Variants in CLEC2D observed in about 807,000 individuals in gnomAD.
CLEC2D encodes the protein C-type lectin related f.
In CLEC2D, 16 loss-of-function variants were observed where a neutral mutation model predicts 20.0. That is an observed-to-expected ratio of 0.80 (90% CI 0.54 to 1.22). The LOEUF (loss-of-function observed/expected upper bound fraction) is 1.22, where lower values mean the gene tolerates loss of function less well. Among genes scored for constraint, CLEC2D ranks in the 50% most tolerant of loss-of-function variants. The probability of loss-of-function intolerance (pLI) is 0.00; values close to 1 mark genes in which losing one functional copy is unlikely to be tolerated. For missense variants in CLEC2D, 207 were observed against 221.5 expected (o/e 0.93, Z 0.42); for synonymous variants, 77 against 71.1 (o/e 1.08, Z -0.42).
At chr12:9,682,830 C>T (rs894998051) in intron 2 of CLEC2D, among the ~76,000 whole-genome samples, 32 of 152,226 alleles carry the variant, frequency 2.1e-4, no homozygotes, top group African/African-American at 5.5e-4. Context: ...AATAAACATA[C>T]GAGTGCATGT....
rs751731003 is a variant in CLEC2D, at chr12:9,696,135, A to G, written c.*1261A>G. The stretch of plus-strand genomic sequence containing the variant: ...TAGAAAAACGTGGTTCTCTTCCCAA[A>G]GTGGAAACCAAGTTCATCAATTATG... On this transcript the variant is annotated 3_prime_UTR_variant, in exon 5 of 5. Coordinates refer to ENST00000290855, the MANE Select transcript of CLEC2D (RefSeq NM_013269.6). The G allele has an allele frequency of 7.4e-5, 69 of 936,210 alleles. No homozygotes were observed. Among genetic ancestry groups the G allele is most frequent in the Non-Finnish European group, 1.2e-4 (68 of 577,268 alleles). The allele number at this position is 936,210 out of a possible 1,614,324, so 58.0% of individuals were successfully genotyped here. A position where few individuals can be genotyped will look rare whatever the true frequency, so the allele number is the denominator to read the frequency against.
Position 9,694,768 on chromosome 12 carries a change from T to C in CLEC2D, c.470T>C (p.Ile157Thr), listed in dbSNP as rs150263662. 1,861 of 1,602,350 alleles carry C rather than the reference T, an allele frequency of 1.2e-3. 10 individuals carry two copies. Among genetic ancestry groups the C allele is most frequent in the South Asian group, 6.4e-3 (580 of 90,776 alleles). ...NGTEWTRQFP[I>T]LGAGECAYLN... ...TGCTTCTTCTCTTGCAGGTTTCCTA[T>C]CCTGGGAGCAGGAGAGTGTGCCTAT... The change falls in exon 5 of 5, where the codon ATC (isoleucine) becomes ACC (threonine). Residue 157 changes from isoleucine (I) to threonine (T), a missense_variant. Coordinates refer to ENST00000290855, the MANE Select transcript of CLEC2D (RefSeq NM_013269.6).
intron 4 of CLEC2D, among the ~76,000 whole-genome samples, chr12:9,694,378 G>A (rs910545497): frequency 6.6e-6 from 1 of 152,144 alleles, no homozygotes; most frequent in Non-Finnish European, 1.5e-5. Flanking sequence ...AGGGAAGTAG[G>A]AGGAATAAAA....
Position 9,688,037 on chromosome 12 carries a change from G to C in CLEC2D, c.308G>C (p.Cys103Ser). ...TKNWTSSQRFCDSQDADLAQV... is the reference protein window; with the variant it reads ...TKNWTSSQRFSDSQDADLAQV... ...AACTGGACATCAAGTCAGAGGTTTT[G>C]TGACTCACAAGATGCTGATCTTGCT... is the stretch of plus-strand genomic sequence containing the variant. Residue 103 changes from cysteine to serine, a missense_variant, in exon 3 of 5, where the codon TGT (cysteine) becomes TCT (serine). Cys to Ser is a moderately radical substitution (Grantham distance 112). Transcript: ENST00000290855. 2 of 1,612,800 alleles carry C rather than the reference G, an allele frequency of 1.2e-6. No individual in the cohort carries two copies. Among genetic ancestry groups the C allele is most frequent in the African/African-American group, 1.3e-5 (1 of 74,910 alleles).
At chr12:9,692,107 TTCTTTCTTTC>T (rs752190477) in intron 3 of CLEC2D, among the ~76,000 whole-genome samples, 28 of 151,858 alleles carry the variant, frequency 1.8e-4, no homozygotes, top group Non-Finnish European at 3.7e-4. Flanking sequence ...CTTTCTTTCT[TTCTTTCTTTC>T]TCTTTCTTTC....
rs1866030622 is a variant in CLEC2D at position 9,697,714 on chromosome 12, A to G, written c.*2840A>G. ...ATGTTGCATGATCTCACTTATAGTG[A>G]AACTTAAAAAAAAAACCCAAATACA... is the stretch of plus-strand genomic sequence containing the variant. On this transcript the variant is annotated 3_prime_UTR_variant, in exon 5 of 5. Coordinates refer to ENST00000290855, the MANE Select transcript of CLEC2D (RefSeq NM_013269.6). 1.2e-5 allele frequency: 1 copy of G among 80,476 alleles called. No individual in the cohort carries two copies. The highest frequency in any genetic ancestry group is 3.1e-4 in the South Asian group (1 of 3,188). The allele number at this position is 80,476 out of a possible 1,614,324, so 5.0% of individuals were successfully genotyped here. A position where few individuals can be genotyped will look rare whatever the true frequency, so the allele number is the denominator to read the frequency against.
chr12:9,674,030 T>C (rs1438961033), intron 1 of CLEC2D: 1 of 152,042 alleles, frequency 6.6e-6, no homozygotes, highest in Admixed American at 6.6e-5. Context: ...TCCATGGGAG[T>C]AGAACCTACT....
Position 9,698,592 on chromosome 12 carries a change from C to T in CLEC2D, c.*3718C>T, listed in dbSNP as rs1866056010. 2 of 152,102 alleles carry T rather than the reference C, an allele frequency of 1.3e-5. No homozygotes were observed. Among genetic ancestry groups the T allele is most frequent in the East Asian group, 1.9e-4 (1 of 5,196 alleles). The allele number at this position is 152,102 out of a possible 1,614,324, so 9.4% of individuals were successfully genotyped here. On this transcript the variant is annotated 3_prime_UTR_variant, in exon 5 of 5. Transcript: ENST00000290855. ...AGGGAGAAAGCTTCACAACGTTGGT[C>T]TGGGCAATAATTTTTGGATTTGACC... is the stretch of plus-strand genomic sequence containing the variant.
At chr12:9,685,801 T>G (rs1480152741) in intron 2 of CLEC2D, among the ~76,000 whole-genome samples, 4 of 152,182 alleles carry the variant, frequency 2.6e-5, no homozygotes, top group South Asian at 2.1e-4. Flanking sequence ...TCTGTGGGGA[T>G]TGGACCCACT....
rs772183704 is a variant in CLEC2D at position 9,682,303 on chromosome 12, T to A, written c.172+1270T>A. 3.9e-5 allele frequency among the ~76,000 whole-genome samples: 6 copies of A among 152,308 alleles called. No individual in the cohort carries two copies. The East Asian group carries it at 1.2e-3, about 29-fold the overall frequency. On this transcript the variant is annotated intron_variant, in intron 2 of 4. Coordinates refer to ENST00000290855, the MANE Select transcript of CLEC2D (RefSeq NM_013269.6). ...GTGGTATTTCCCCATTTAAATCGAG[T>A]TATTTAGATTGGCTTTAGTTATAAA... is the stretch of plus-strand genomic sequence containing the variant.
chr12:9,684,489 G>T (rs765672344), intron 2 of CLEC2D, among the ~76,000 whole-genome samples: 1 of 152,036 alleles, frequency 6.6e-6, no homozygotes, highest in Non-Finnish European at 1.5e-5. Flanking sequence ...CCAGCTTTTG[G>T]CCACTCAGTA....
Position 9,695,156 on chromosome 12 carries a change from T to A in CLEC2D, c.*282T>A. The A allele has an allele frequency of 1.7e-6, 1 of 580,008 alleles. No homozygotes were observed. The highest frequency in any genetic ancestry group is 2.0e-5 in the South Asian group (1 of 48,946). 35.9% of individuals were successfully genotyped at this position (580,008 alleles called of 1,614,324 possible). On this transcript the variant is annotated 3_prime_UTR_variant, in exon 5 of 5. Coordinates refer to ENST00000290855, the MANE Select transcript of CLEC2D (RefSeq NM_013269.6). ...TCATAGTTCCACATGGCTGGGGAGG[T>A]CTTGCAATCATGACAGAAGGCAAAT...
chr12:9,670,288 T>C (rs1361894016), intron 1 of CLEC2D, among the ~76,000 whole-genome samples: 1 of 152,096 alleles, frequency 6.6e-6, no homozygotes, highest in Non-Finnish European at 1.5e-5. Flanking sequence ...GAAATATATA[T>C]ATATATAGCT....
chr12:9,693,462 G>T (rs1397420408), intron 4 of CLEC2D: 1 of 187,624 alleles, frequency 5.3e-6, no homozygotes. Context: ...GGAAAAATTG[G>T]ATTCACACAA....
At position 9,684,169 on chromosome 12, in the gene CLEC2D, C is replaced by T. The variant is rs368608553; in HGVS notation, c.172+3136C>T. On this transcript the variant is annotated intron_variant, in intron 2 of 4. Transcript: ENST00000290855. ...ATGGGAGTTCACTCATGATTTGGCT[C>T]TCTGTTTGTCTGTTATTGGTGTATA... Among the ~76,000 whole-genome samples the T allele has an allele frequency of 1.5e-4, 23 of 152,222 alleles. No individual in the cohort carries two copies. In the East Asian group the frequency reaches 2.1e-3, roughly 14 times the overall value.
At chr12:9,671,542 T>G (rs12582584) in intron 1 of CLEC2D, among the ~76,000 whole-genome samples, 52,401 of 152,156 alleles carry the variant, frequency 0.34, 10,785 homozygotes, top group East Asian at 0.59. Flanking sequence ...TTCTCAAGGT[T>G]TTGGCTATTG....
Position 9,692,834 on chromosome 12 carries a change from C to T in CLEC2D, c.364C>T (p.Leu122=). ...TCTCTGTGTTTTCTGAAAGAATTTC[C>T]TGTTGAGATATAAAGGCCCATCTGA... is the stretch of plus-strand genomic sequence containing the variant. ...QVESFQELNF[L]LRYKGPSDHW... is the part of the protein sequence containing the mutation. The change falls in exon 4 of 5, where the codon CTG becomes TTG. Residue 122 remains leucine, a synonymous_variant. Coordinates refer to ENST00000290855, the MANE Select transcript of CLEC2D (RefSeq NM_013269.6). 1 of 1,604,164 alleles carries T rather than the reference C, an allele frequency of 6.2e-7. No homozygotes were observed. Among genetic ancestry groups the T allele is most frequent in the Non-Finnish European group, 8.5e-7 (1 of 1,175,266 alleles).
chr12:9,689,466 G>A (rs918881462), intron 3 of CLEC2D, among the ~76,000 whole-genome samples: 1 of 152,066 alleles, frequency 6.6e-6, no homozygotes, highest in African/African-American at 2.4e-5. Context: ...GAAAAGTATG[G>A]TTCATTCACA....
chr12:9,680,233 T>C, intron 1 of CLEC2D: 1 of 337,964 alleles, frequency 3.0e-6, no homozygotes, highest in South Asian at 2.4e-5. Context: ...ACACGTTTGC[T>C]TCCTCTTCCA....
Sources: allele counts gnomAD v4.1 joint callset (sites outside exome capture counted in the v4.1 genomes callset), GRCh38; gene constraint gnomAD v4.1.1; transcripts MANE v1.5; gene names NCBI Gene and HGNC (gene_info 2026-07-23, HGNC 2026-07-21).